ATAD5: variants seen among roughly 807,000 people sequenced by gnomAD.
The protein encoded by ATAD5 is ATPase family AAA domain-containing protein 5.
ATAD5 carries 58 observed loss-of-function variants against 176.9 expected under a neutral mutation model. That is an observed-to-expected ratio of 0.33 (90% CI 0.27 to 0.41). The LOEUF is 0.41. ATAD5 is among the 10% of genes least tolerant of loss of function. The pLI, the probability that ATAD5 is intolerant of heterozygous loss-of-function variation, is 1.00. For synonymous variants in ATAD5, 640 were observed against 712.6 expected (o/e 0.90, Z 1.62); for missense variants, 1,789 against 2,094.1 (o/e 0.85, Z 2.84).
intron 19 of ATAD5, among the ~76,000 whole-genome samples, chr17:30,887,689 C>T (rs1909396347): frequency 6.6e-6 from 1 of 152,118 alleles, no homozygotes; most frequent in Non-Finnish European, 1.5e-5. Context: ...TGGCATGTGC[C>T]TGTAATACTG....
intron 3 of ATAD5, 64 bp downstream of exon 3, chr17:30,837,378 C>A (rs1905811563): frequency 5.5e-6 from 6 of 1,086,628 alleles, no homozygotes; most frequent in East Asian, 5.3e-5. Context: ...AAACAAAAAA[C>A]CCCCACATTA....
chr17:30,841,396 G>A (rs1478141110), intron 4 of ATAD5, among the ~76,000 whole-genome samples: 1 of 152,090 alleles, frequency 6.6e-6, no homozygotes, highest in Non-Finnish European at 1.5e-5. Context: ...TGAAATATAC[G>A]TTCCAAGTAC....
At chr17:30,885,411 GT>G (rs1233527666) in intron 18 of ATAD5, among the ~76,000 whole-genome samples, 2 of 151,920 alleles carry the variant, frequency 1.3e-5, no homozygotes, top group Non-Finnish European at 2.9e-5. Flanking sequence ...TCTTTCCTTT[GT>G]TTTTTCTGCC....
At chr17:30,865,493 G>A (rs1460525088) in intron 10 of ATAD5, among the ~76,000 whole-genome samples, 2 of 152,064 alleles carry the variant, frequency 1.3e-5, no homozygotes, top group Non-Finnish European at 2.9e-5. Context: ...ATTTTAATAA[G>A]ATTATGGTGG....
At chr17:30,881,300 G>C (rs1908998855) in intron 18 of ATAD5, among the ~76,000 whole-genome samples, 1 of 151,856 alleles carries the variant, frequency 6.6e-6, no homozygotes, top group Admixed American at 6.6e-5. Flanking sequence ...GTCTCACTCT[G>C]TTACCCAAGC....
At chr17:30,885,301 C>T (rs1173435380) in intron 18 of ATAD5, among the ~76,000 whole-genome samples, 1 of 152,190 alleles carries the variant, frequency 6.6e-6, no homozygotes, top group Non-Finnish European at 1.5e-5. Context: ...CAACCTTGGC[C>T]TCCCAAAGTG....
rs775581061 is a variant in ATAD5, at chr17:30,835,647, A to G, written c.1566A>G (p.Gln522=). Residue 522 remains glutamine, a synonymous_variant, in exon 2 of 23, where the codon CAA becomes CAG. Coordinates refer to ENST00000321990, the MANE Select transcript of ATAD5 (RefSeq NM_024857.5). ...KQYQNRMSLR[Q]RKTEFFKSST... ...ATCAAAATAGAATGAGTTTAAGACA[A>G]AGGAAAACAGAGTTTTTCAAAAGCA... is the stretch of plus-strand genomic sequence containing the variant. The G allele has an allele frequency of 6.2e-7, 1 of 1,604,922 alleles. No individual in the cohort carries two copies. Among genetic ancestry groups the G allele is most frequent in the Admixed American group, 1.7e-5 (1 of 57,586 alleles).
At chr17:30,856,376 G>T (rs747950512) in intron 7 of ATAD5, among the ~76,000 whole-genome samples, 1 of 152,182 alleles carries the variant, frequency 6.6e-6, no homozygotes, top group Non-Finnish European at 1.5e-5. Context: ...GCAGAGGTTG[G>T]GTTTGAATCC....
At chr17:30,839,466 G>C (rs528343535) in intron 3 of ATAD5, among the ~76,000 whole-genome samples, 12 of 151,740 alleles carry the variant, frequency 7.9e-5, no homozygotes, top group Admixed American at 7.2e-4. Flanking sequence ...TAGTAGAGAT[G>C]GGGTTTCACC....
At chr17:30,845,853 C>T (rs1308547023) in intron 6 of ATAD5, among the ~76,000 whole-genome samples, 2 of 152,044 alleles carry the variant, frequency 1.3e-5, no homozygotes, top group African/African-American at 2.4e-5. Context: ...TTAAAAATCC[C>T]TCGATGATTA....
At chr17:30,879,810 C>T (rs768445367) in intron 18 of ATAD5, among the ~76,000 whole-genome samples, 1 of 152,028 alleles carries the variant, frequency 6.6e-6, no homozygotes, top group African/African-American at 2.4e-5. Flanking sequence ...GATCTGCCCG[C>T]CTCGGCCTCC....
In ATAD5 at chr17:30,893,589, T is replaced by C; in HGVS notation, c.4736T>C (p.Phe1579Ser). 5 of 1,613,910 alleles carry C rather than the reference T, an allele frequency of 3.1e-6. No individual in the cohort carries two copies. Among genetic ancestry groups the C allele is most frequent in the Non-Finnish European group, 4.2e-6 (5 of 1,179,926 alleles). Residue 1579 changes from phenylalanine to serine, a missense_variant, in exon 21 of 23, where the codon TTT becomes TCT. By Grantham distance (155) the Phe-to-Ser change is radical (BLOSUM62 -2). Coordinates refer to ENST00000321990, the MANE Select transcript of ATAD5 (RefSeq NM_024857.5). ...TLVILDDSDL[F>S]DTDLDFPDQS... ...GTAATATTAGATGATAGTGATCTATTTGACACTGACTTGGACTTTCCTGAT... is the reference window on the plus strand; with the variant it reads ...GTAATATTAGATGATAGTGATCTATCTGACACTGACTTGGACTTTCCTGAT...
chr17:30,842,851 C>G (rs1017063503), intron 4 of ATAD5, among the ~76,000 whole-genome samples: 88 of 152,112 alleles, frequency 5.8e-4, no homozygotes, highest in African/African-American at 1.8e-3. Context: ...TCAAGCGATT[C>G]TCCTGCCTCA....
chr17:30,832,186 C>T lies in ATAD5; in HGVS notation c.-162C>T. On this transcript the variant is annotated 5_prime_UTR_variant, in exon 1 of 23. Coordinates refer to ENST00000321990, the MANE Select transcript of ATAD5 (RefSeq NM_024857.5). ...TCGATTCGGCTGATCTGGGCCCAGC[C>T]TCCGCTCCCGCTCTCTGTCGGTGGG... is the stretch of plus-strand genomic sequence containing the variant. 1 of 449,862 alleles carries T rather than the reference C, an allele frequency of 2.2e-6. No individual in the cohort carries two copies. Among genetic ancestry groups the T allele is most frequent in the Non-Finnish European group, 3.9e-6 (1 of 258,278 alleles). 27.9% of individuals were successfully genotyped at this position (449,862 alleles called of 1,614,324 possible). A position where few individuals can be genotyped will look rare whatever the true frequency, so the allele number is the denominator to read the frequency against.
intron 14 of ATAD5, among the ~76,000 whole-genome samples, chr17:30,871,691 A>G (rs1908347590): frequency 6.6e-6 from 1 of 152,002 alleles, no homozygotes; most frequent in African/African-American, 2.4e-5. Context: ...TTGATTGATT[A>G]TTCCCTCTTT....
intron 14 of ATAD5, among the ~76,000 whole-genome samples, chr17:30,872,508 C>T (rs1908391441): frequency 6.7e-6 from 1 of 149,914 alleles, no homozygotes; most frequent in African/African-American, 2.5e-5. Context: ...ACATCTCTGT[C>T]TGCTTGGCCT....
At chr17:30,860,714 T>A in intron 10 of ATAD5, 102 bp downstream of exon 10, 1 of 943,972 alleles carries the variant, frequency 1.1e-6, no homozygotes, top group Non-Finnish European at 1.5e-6. Flanking sequence ...TAAAAAATTT[T>A]AATTCAATTG....
intron 12 of ATAD5, among the ~76,000 whole-genome samples, chr17:30,868,619 G>A (rs1459600994): frequency 6.7e-6 from 1 of 149,256 alleles, no homozygotes; most frequent in Non-Finnish European, 1.5e-5. Flanking sequence ...TGATTCTCAT[G>A]CCTCAGCCTC....
intron 3 of ATAD5, 127 bp from the exon 4 acceptor site, chr17:30,840,490 C>A (rs1042502049): frequency 3.0e-6 from 2 of 658,230 alleles, no homozygotes; most frequent in African/African-American, 3.8e-5. Context: ...ATTTAAGGCC[C>A]CTGGTAAGAT....
Sources: allele counts gnomAD v4.1 joint callset (sites outside exome capture counted in the v4.1 genomes callset), GRCh38; gene constraint gnomAD v4.1.1; transcripts MANE v1.5; gene names NCBI Gene and HGNC (gene_info 2026-07-23, HGNC 2026-07-21).